The following CD9 variants were observed in gnomAD, a reference collection of about 807,000 sequenced individuals.
CD9 encodes CD9 molecule, also known as CD9 antigen.
In CD9, 10 loss-of-function variants were observed where a neutral mutation model predicts 31.4. The ratio of observed to expected loss-of-function variants is 0.32; its 90% confidence interval spans 0.20 to 0.54. The LOEUF (loss-of-function observed/expected upper bound fraction) is 0.54. Among genes scored for constraint, CD9 ranks in the 20% least tolerant of loss-of-function variants. The probability of loss-of-function intolerance (pLI) is 0.94; values close to 1 mark genes in which losing one functional copy is unlikely to be tolerated. For missense variants in CD9, 259 were observed against 300.1 expected (o/e 0.86, Z 1.01); for synonymous variants, 113 against 114.1 (o/e 0.99, Z 0.06).
At chr12:6,219,801 C>T (rs1043565945) in intron 1 of CD9, among the ~76,000 whole-genome samples, 1 of 152,176 alleles carries the variant, frequency 6.6e-6, no homozygotes, top group African/African-American at 2.4e-5. Context: ...TGGTTTCTGA[C>T]TCTTGTGAGA....
At chr12:6,212,557 A>T (rs1267854069) in intron 1 of CD9, among the ~76,000 whole-genome samples, 2 of 152,174 alleles carry the variant, frequency 1.3e-5, no homozygotes, top group Non-Finnish European at 2.9e-5. Flanking sequence ...TCCACCCAGG[A>T]GCCCCCCAGC....
At chr12:6,225,901 T>C (rs1169706116) in intron 2 of CD9, among the ~76,000 whole-genome samples, 1 of 152,088 alleles carries the variant, frequency 6.6e-6, no homozygotes, top group Non-Finnish European at 1.5e-5. Context: ...TTCAAAAAGC[T>C]TTGTCCTGGG....
intron 1 of CD9, among the ~76,000 whole-genome samples, chr12:6,215,097 A>G (rs1211606809): frequency 1.3e-5 from 2 of 152,110 alleles, no homozygotes; most frequent in African/African-American, 2.4e-5. Context: ...AGTGCTGGTC[A>G]AAGCATTTGA....
At chr12:6,209,986 G>A (rs969112014) in intron 1 of CD9, among the ~76,000 whole-genome samples, 2 of 152,130 alleles carry the variant, frequency 1.3e-5, no homozygotes, top group African/African-American at 2.4e-5. Flanking sequence ...CGCCCAGCTG[G>A]GACTGCTCAT....
chr12:6,222,138 G>A (rs1459482881), intron 1 of CD9, among the ~76,000 whole-genome samples: 1 of 152,194 alleles, frequency 6.6e-6, no homozygotes, highest in Non-Finnish European at 1.5e-5. Flanking sequence ...TTATTGGGTG[G>A]CACTGGTTAT....
chr12:6,221,144 T>G (rs554782935), intron 1 of CD9, among the ~76,000 whole-genome samples: 1 of 152,090 alleles, frequency 6.6e-6, no homozygotes, highest in African/African-American at 2.4e-5. Flanking sequence ...CGAAGAAATT[T>G]CCAGTAAAAC....
chr12:6,204,766 A>G (rs537415743), intron 1 of CD9, among the ~76,000 whole-genome samples: 1 of 152,316 alleles, frequency 6.6e-6, no homozygotes, highest in African/African-American at 2.4e-5. Context: ...TCACTAGTGG[A>G]GAGTAGAATG....
chr12:6,224,312 C>T (rs578243979), intron 1 of CD9, among the ~76,000 whole-genome samples: 2 of 152,340 alleles, frequency 1.3e-5, no homozygotes, highest in South Asian at 2.1e-4. Context: ...TGCAGCCCCT[C>T]GTGGTGGAAG....
chr12:6,225,575 C>T, intron 2 of CD9, 41 bp downstream of exon 2: 1 of 1,335,514 alleles, frequency 7.5e-7, no homozygotes. Flanking sequence ...GACCCTGGCT[C>T]CAACAAAGTT....
At chr12:6,204,394 TAAAC>T (rs372711027) in intron 1 of CD9, among the ~76,000 whole-genome samples, 225 of 152,210 alleles carry the variant, frequency 1.5e-3, no homozygotes, top group African/African-American at 5.1e-3. Flanking sequence ...AATAATATAA[TAAAC>T]AAAATACAAG....
chr12:6,227,478 G>T (rs369561370), intron 2 of CD9, among the ~76,000 whole-genome samples: 10 of 152,178 alleles, frequency 6.6e-5, no homozygotes, highest in African/African-American at 2.4e-4. Flanking sequence ...GATGACAGGC[G>T]TGAGCCACCT....
At chr12:6,207,744 A>C (rs1476717692) in intron 1 of CD9, among the ~76,000 whole-genome samples, 1 of 152,220 alleles carries the variant, frequency 6.6e-6, no homozygotes, top group Non-Finnish European at 1.5e-5. Context: ...AAGGCAAAGC[A>C]GCCTGACTTG....
chr12:6,237,004 G>T (rs12426772), intron 7 of CD9, among the ~76,000 whole-genome samples: 1 of 152,006 alleles, frequency 6.6e-6, no homozygotes, highest in Admixed American at 6.5e-5. Context: ...TTGAGACGAA[G>T]TTTCACTCTT....
intron 1 of CD9, among the ~76,000 whole-genome samples, chr12:6,204,675 A>T (rs1946111415): frequency 6.6e-6 from 1 of 152,200 alleles, no homozygotes; most frequent in African/African-American, 2.4e-5. Flanking sequence ...TGGTGCTGTG[A>T]GAGTTAAATG....
rs374764934 is a variant in CD9 at position 6,225,419 on chromosome 12, C to A, written c.67-7C>A. 10 of 1,595,100 alleles carry A rather than the reference C, an allele frequency of 6.3e-6. No homozygotes were observed. In the African/African-American group the frequency reaches 1.1e-4, roughly 17 times the overall value. On this transcript the variant is annotated splice_region_variant and splice_polypyrimidine_tract_variant and intron_variant, in intron 1 of 7. Transcript: ENST00000009180. ...GAATTAATGCTGATGTCCTGTATGT[C>A]TTGCAGCTTGCCGGGATTGCTGTCC...
At chr12:6,210,151 T>G (rs1946179018) in intron 1 of CD9, among the ~76,000 whole-genome samples, 1 of 125,424 alleles carries the variant, frequency 8.0e-6, no homozygotes, top group Non-Finnish European at 1.8e-5. Context: ...GATGTCATCT[T>G]GTTCTGCCCT....
intron 1 of CD9, among the ~76,000 whole-genome samples, chr12:6,208,306 C>T (rs11568204): frequency 0.017 from 2,519 of 152,126 alleles, 69 homozygotes; most frequent in African/African-American, 0.058. Flanking sequence ...CACCTCTGAG[C>T]AGGCTAAGCA....
At position 6,235,952 on chromosome 12, in the gene CD9, A is replaced by G. The variant is rs922067716; in HGVS notation, c.538-240A>G. On this transcript the variant is annotated intron_variant, in intron 6 of 7. Transcript: ENST00000009180. ...CCATGTCAGAAATAGACCCCCAAGCAGGGCCTGTCCCTCCTCCTTCCCTGA... is the reference window on the plus strand; with the variant it reads ...CCATGTCAGAAATAGACCCCCAAGCGGGGCCTGTCCCTCCTCCTTCCCTGA... 6 of 1,407,062 alleles carry G rather than the reference A, an allele frequency of 4.3e-6. No individual in the cohort carries two copies. In the African/African-American group the frequency reaches 8.7e-5, roughly 20 times the overall value. 87.2% of individuals were successfully genotyped at this position (1,407,062 alleles called of 1,614,324 possible).
chr12:6,222,506 G>A (rs554493413), intron 1 of CD9, among the ~76,000 whole-genome samples: 34 of 152,302 alleles, frequency 2.2e-4, no homozygotes, highest in South Asian at 8.3e-4. Context: ...CAACCAAGCC[G>A]CATGATGTAA....
Sources: allele counts gnomAD v4.1 joint callset (sites outside exome capture counted in the v4.1 genomes callset), GRCh38; gene constraint gnomAD v4.1.1; transcripts MANE v1.5; gene names NCBI Gene and HGNC (gene_info 2026-07-23, HGNC 2026-07-21).